Variants in PLD1 observed in about 807,000 individuals in gnomAD.
PLD1 encodes the protein choline phosphatase 1.
In PLD1, 112 loss-of-function variants were observed where a neutral mutation model predicts 137.1. The ratio of observed to expected loss-of-function variants is 0.82; its 90% CI spans 0.70 to 0.96. The LOEUF is 0.96. PLD1 is among the 40% of genes least tolerant of loss of function. PLD1 has a pLI of 0.00. For synonymous variants in PLD1, 431 were observed against 454.7 expected (o/e 0.95, Z 0.66); for missense variants, 1,321 against 1,342.0 (o/e 0.98, Z 0.24).
intron 24 of PLD1, among the ~76,000 whole-genome samples, chr3:171,616,426 A>G (rs1454699450): frequency 6.6e-6 from 1 of 152,180 alleles, no homozygotes; most frequent in Non-Finnish European, 1.5e-5. Flanking sequence ...ATCTCCGAAA[A>G]CTGTGAATAT....
At chr3:171,610,773 C>T (rs1045688509) in intron 25 of PLD1, among the ~76,000 whole-genome samples, 6 of 152,276 alleles carry the variant, frequency 3.9e-5, no homozygotes, top group African/African-American at 1.2e-4. Flanking sequence ...CCATTAGAAG[C>T]TAATTGAATT....
At chr3:171,800,266 TGG>T (rs1408974131) in intron 1 of PLD1, among the ~76,000 whole-genome samples, 1 of 152,180 alleles carries the variant, frequency 6.6e-6, no homozygotes, top group Non-Finnish European at 1.5e-5. Context: ...TGGAGTGAAG[TGG>T]CGTGATCTCG....
chr3:171,768,008 T>TTCA (rs1411806163), intron 1 of PLD1, among the ~76,000 whole-genome samples: 7 of 65,664 alleles, frequency 1.1e-4, no homozygotes, highest in Admixed American at 3.9e-4. Flanking sequence ...CTTTTATGTG[T>TTCA]TCATTATTAT....
In PLD1 at chr3:171,603,096, G is replaced by A. The variant is rs760309926; in HGVS notation, c.3207C>T (p.Pro1069=). The A allele has an allele frequency of 4.3e-6, 7 of 1,612,886 alleles. No homozygotes were observed. In the African/African-American group the frequency reaches 6.7e-5, roughly 15 times the overall value. The change falls in exon 27 of 27, where the codon CCC becomes CCT. Residue 1069 remains proline (P), a synonymous_variant. Transcript: ENST00000351298. Reference sequence around the variant, plus strand: ...ATATCTCTTAAGTCCAAACCTCCATGGGCACTATGGCCTCTTTGGTCCCAA... The same window carrying A: ...ATATCTCTTAAGTCCAAACCTCCATAGGCACTATGGCCTCTTTGGTCCCAA... ...PSVGTKEAIV[P]MEVWT is the part of the protein sequence containing the mutation.
intron 24 of PLD1, among the ~76,000 whole-genome samples, chr3:171,615,451 C>A (rs1055193547): frequency 6.6e-6 from 1 of 152,062 alleles, no homozygotes; most frequent in Non-Finnish European, 1.5e-5. Context: ...GAATTTATTA[C>A]CCTGGCCAAA....
At chr3:171,665,886 A>G (rs1182697592) in intron 19 of PLD1, among the ~76,000 whole-genome samples, 1 of 152,148 alleles carries the variant, frequency 6.6e-6, no homozygotes, top group Admixed American at 6.5e-5. Context: ...CTTACAATAA[A>G]AACTCATTAA....
At position 171,603,003 on chromosome 3, in the gene PLD1, A is replaced by G; in HGVS notation, c.*75T>C. ...GAATGCGTCAGGCCTGGCTTTGGCTATGACATCCCCAGGAAGTCACTGTGT... is the reference window on the plus strand; with the variant it reads ...GAATGCGTCAGGCCTGGCTTTGGCTGTGACATCCCCAGGAAGTCACTGTGT... On this transcript the variant is annotated 3_prime_UTR_variant, in exon 27 of 27. Transcript: ENST00000351298. The G allele has an allele frequency of 1.8e-6, 2 of 1,104,636 alleles. No individual in the cohort carries two copies. The highest frequency in any genetic ancestry group is 2.7e-6 in the Non-Finnish European group (2 of 733,078). 68.4% of individuals were successfully genotyped at this position (1,104,636 alleles called of 1,614,324 possible).
chr3:171,746,145 C>T (rs1185017470), intron 1 of PLD1, among the ~76,000 whole-genome samples: 1 of 152,244 alleles, frequency 6.6e-6, no homozygotes, highest in East Asian at 1.9e-4. Flanking sequence ...GACCTGCAGC[C>T]TGCCATGCCC....
At chr3:171,797,889 C>T (rs750450829) in intron 1 of PLD1, among the ~76,000 whole-genome samples, 3 of 152,080 alleles carry the variant, frequency 2.0e-5, no homozygotes, top group Non-Finnish European at 4.4e-5. Flanking sequence ...ACTTATTACT[C>T]CCTAAGTGCC....
chr3:171,768,237 A>G (rs1722109288), intron 1 of PLD1, among the ~76,000 whole-genome samples: 1 of 152,124 alleles, frequency 6.6e-6, no homozygotes, highest in Admixed American at 6.5e-5. Flanking sequence ...ATTTACTGAC[A>G]TTACTAAAAT....
rs190205591 is a variant in PLD1, at chr3:171,652,552, A to G, written c.2429+6661T>C. Among the ~76,000 whole-genome samples, 319 of 152,218 alleles carry G rather than the reference A, an allele frequency of 2.1e-3. 3 individuals carry two copies. The highest frequency in any genetic ancestry group is 7.4e-3 in the African/African-American group (307 of 41,558). On this transcript the variant is annotated intron_variant, in intron 21 of 26. Coordinates refer to ENST00000351298, the MANE Select transcript of PLD1 (RefSeq NM_002662.5). ...GGACATAGATTTTTCTTTAAACCCA[A>G]GAACTTTTAATCTATCAAACATTGC... is the stretch of plus-strand genomic sequence containing the variant.
chr3:171,642,127 T>C (rs1214727311), intron 23 of PLD1, among the ~76,000 whole-genome samples: 1 of 152,102 alleles, frequency 6.6e-6, no homozygotes, highest in Non-Finnish European at 1.5e-5. Context: ...TTACAATATA[T>C]TGTAGCCAAG....
chr3:171,780,537 G>C (rs897757701), intron 1 of PLD1, among the ~76,000 whole-genome samples: 6 of 64,706 alleles, frequency 9.3e-5, no homozygotes, highest in African/African-American at 2.0e-4. Context: ...CCAGTAAAGG[G>C]GGCCAAAAAA....
At chr3:171,659,969 A>T (rs1471292759) in intron 20 of PLD1, among the ~76,000 whole-genome samples, 2 of 152,264 alleles carry the variant, frequency 1.3e-5, no homozygotes, top group Non-Finnish European at 2.9e-5. Context: ...CTGTTACTAG[A>T]AAACAAGTTA....
intron 1 of PLD1, among the ~76,000 whole-genome samples, chr3:171,751,530 G>T (rs1720656921): frequency 6.6e-6 from 1 of 152,172 alleles, no homozygotes; most frequent in Admixed American, 6.5e-5. Flanking sequence ...ATTCTAAATT[G>T]TCAATAAAAC....
Position 171,801,223 on chromosome 3 carries a change from T to C in PLD1, c.-32+9176A>G, listed in dbSNP as rs147688002. 3.9e-4 allele frequency among the ~76,000 whole-genome samples: 60 copies of C among 152,306 alleles called. 1 individual carries two copies. The highest frequency in any genetic ancestry group is 1.3e-3 in the African/African-American group (52 of 41,566). ...AGTACTGTGTTAGCACCAAAAAGAC[T>C]CTGTGCTTGATAAATTCTTCAACAC... is the stretch of plus-strand genomic sequence containing the variant. On this transcript the variant is annotated intron_variant, in intron 1 of 26. Coordinates refer to ENST00000351298, the MANE Select transcript of PLD1 (RefSeq NM_002662.5).
At chr3:171,671,409 C>A (rs980871718) in intron 19 of PLD1, among the ~76,000 whole-genome samples, 3 of 152,096 alleles carry the variant, frequency 2.0e-5, no homozygotes, top group Admixed American at 1.3e-4. Flanking sequence ...TTCCTCTGTC[C>A]CAAATTTTCA....
intron 19 of PLD1, among the ~76,000 whole-genome samples, chr3:171,672,575 C>T (rs530030467): frequency 5.5e-4 from 83 of 152,090 alleles, no homozygotes; most frequent in African/African-American, 2.0e-3. Flanking sequence ...GCAGTCTCCA[C>T]CTCCTGGGCT....
chr3:171,600,530 A>T lies in PLD1; in HGVS notation c.*2548T>A, dbSNP rs1578072765. On this transcript the variant is annotated 3_prime_UTR_variant, in exon 27 of 27. Coordinates refer to ENST00000351298, the MANE Select transcript of PLD1 (RefSeq NM_002662.5). ...AGTTTATCAGATATTGCAATGTTAA[A>T]GATAAATTATTTGAACTTCTAGTAG... The T allele has an allele frequency of 6.6e-6, 1 of 152,232 alleles. No homozygotes were observed. 9.4% of individuals were successfully genotyped at this position (152,232 alleles called of 1,614,324 possible).
Sources: allele counts gnomAD v4.1 joint callset (sites outside exome capture counted in the v4.1 genomes callset), GRCh38; gene constraint gnomAD v4.1.1; transcripts MANE v1.5; gene names NCBI Gene and HGNC (gene_info 2026-07-23, HGNC 2026-07-21).